The following CSRNP3 variants were observed in gnomAD, a reference collection of about 807,000 sequenced individuals.
CSRNP3 encodes the protein cysteine/serine-rich nuclear protein 3.
A neutral mutation model predicts 48.0 loss-of-function variants in CSRNP3; 12 were observed. The ratio of observed to expected loss-of-function variants is 0.25; its 90% confidence interval spans 0.16 to 0.41. The LOEUF is 0.41. CSRNP3 is among the 10% of genes least tolerant of loss of function. The pLI is 1.00. For synonymous variants in CSRNP3, 263 were observed against 269.7 expected, an observed-to-expected ratio of 0.98 and a Z score of 0.24; for missense variants, 580 against 724.4, an observed-to-expected ratio of 0.80 and a Z score of 2.29.
chr2:165,553,032 G>A (rs1224706033), intron 3 of CSRNP3, among the ~76,000 whole-genome samples: 1 of 152,130 alleles, frequency 6.6e-6, no homozygotes, highest in Non-Finnish European at 1.5e-5. Context: ...CGTTCATGTA[G>A]ATGATTCTTC....
At chr2:165,490,148 C>A (rs1648325661) in intron 1 of CSRNP3, among the ~76,000 whole-genome samples, 1 of 148,318 alleles carries the variant, frequency 6.7e-6, no homozygotes, top group African/African-American at 2.5e-5. Context: ...TTCTTATACA[C>A]CAACAACAGA....
chr2:165,473,966 A>T (rs905727161), intron 1 of CSRNP3, among the ~76,000 whole-genome samples: 2 of 152,110 alleles, frequency 1.3e-5, no homozygotes, highest in Admixed American at 6.6e-5. Context: ...CAACTTCATG[A>T]TCAACTTCAT....
At chr2:165,505,185 C>T (rs1514752) in intron 2 of CSRNP3, among the ~76,000 whole-genome samples, 38,140 of 151,754 alleles carry the variant, frequency 0.25, 4,934 homozygotes, top group East Asian at 0.35. Flanking sequence ...GAAGTCAAAA[C>T]GAAAAAACAA....
rs370737608 is a variant in CSRNP3, at chr2:165,649,634, G to A, written c.149-8127G>A. The stretch of plus-strand genomic sequence containing the variant: ...TTAATAGCACTTAGAGCTATTAGTC[G>A]TAATACAGGGAACCGAATATATCAG... On this transcript the variant is annotated intron_variant, in intron 4 of 6. Transcript: ENST00000651982. Among the ~76,000 whole-genome samples, 69 of 152,288 alleles carry A rather than the reference G, an allele frequency of 4.5e-4. 1 individual carries two copies. In the East Asian group the frequency reaches 6.6e-3, roughly 14 times the overall value.
At chr2:165,574,319 T>C in intron 3 of CSRNP3, 1 of 1,505,410 alleles carries the variant, frequency 6.6e-7, no homozygotes, top group South Asian at 1.2e-5. Flanking sequence ...CTGAAAAAAA[T>C]GTACTGGGGT....
intron 4 of CSRNP3, among the ~76,000 whole-genome samples, chr2:165,626,442 T>C (rs1368939400): frequency 6.6e-6 from 1 of 152,146 alleles, no homozygotes; most frequent in Non-Finnish European, 1.5e-5. Context: ...AATAAGTTAA[T>C]CCTTACCGTG....
At chr2:165,556,113 T>C (rs1013998949) in intron 3 of CSRNP3, among the ~76,000 whole-genome samples, 3 of 152,168 alleles carry the variant, frequency 2.0e-5, no homozygotes, top group Non-Finnish European at 2.9e-5. Flanking sequence ...GGGATGCTGC[T>C]GAAGGTGCGG....
chr2:165,624,431 A>C (rs1245848355), intron 4 of CSRNP3, among the ~76,000 whole-genome samples: 1 of 151,808 alleles, frequency 6.6e-6, no homozygotes, highest in Non-Finnish European at 1.5e-5. Flanking sequence ...CACTCTTTTT[A>C]TTTTTCTTTG....
At chr2:165,609,492 G>C (rs1300074494) in intron 4 of CSRNP3, among the ~76,000 whole-genome samples, 2 of 143,782 alleles carry the variant, frequency 1.4e-5, no homozygotes, top group African/African-American at 2.5e-5. Context: ...AAAAAAAGAG[G>C]CAAGTAATGT....
intron 4 of CSRNP3, 57 bp downstream of exon 4, chr2:165,595,270 G>A (rs935939480): frequency 4.8e-6 from 7 of 1,460,056 alleles, no homozygotes; most frequent in African/African-American, 1.4e-5. Context: ...AAAACTAATT[G>A]TGTCATTTTT....
chr2:165,608,787 AT>A (rs1453904442), intron 4 of CSRNP3, among the ~76,000 whole-genome samples: 32 of 51,950 alleles, frequency 6.2e-4, no homozygotes, highest in African/African-American at 1.6e-3. Flanking sequence ...ATGTAAAAAA[AT>A]TAAAAAAAAA....
chr2:165,563,212 ATGTGAATCC>A (rs1685256548), intron 3 of CSRNP3, among the ~76,000 whole-genome samples: 1 of 152,192 alleles, frequency 6.6e-6, no homozygotes, highest in Admixed American at 6.6e-5. Flanking sequence ...ATACTTCTAT[ATGTGAATCC>A]TGGTGGAGGA....
intron 6 of CSRNP3, among the ~76,000 whole-genome samples, chr2:165,678,087 T>G (rs569668064): frequency 6.6e-6 from 1 of 152,266 alleles, no homozygotes; most frequent in South Asian, 2.1e-4. Context: ...TGCACCCATG[T>G]ACCAAGCACC....
intron 2 of CSRNP3, among the ~76,000 whole-genome samples, chr2:165,507,617 C>T (rs896525115): frequency 6.6e-6 from 1 of 152,090 alleles, no homozygotes; most frequent in Admixed American, 6.5e-5. Context: ...TTTATTTACA[C>T]TTTATATTTC....
intron 5 of CSRNP3, among the ~76,000 whole-genome samples, chr2:165,667,886 A>G (rs1573958182): frequency 6.6e-6 from 1 of 152,210 alleles, no homozygotes. Flanking sequence ...ACCTCCTTAT[A>G]TGGCAGAACT....
At chr2:165,531,979 GAC>G in intron 3 of CSRNP3, among the ~76,000 whole-genome samples, 1 of 152,184 alleles carries the variant, frequency 6.6e-6, no homozygotes, top group East Asian at 1.9e-4. Context: ...TAAATTCCTC[GAC>G]ACATACATCC....
intron 4 of CSRNP3, among the ~76,000 whole-genome samples, chr2:165,628,656 G>A (rs368364681): frequency 5.3e-5 from 8 of 152,104 alleles, no homozygotes; most frequent in South Asian, 2.1e-4. Flanking sequence ...CCTGGGAGGC[G>A]GAGGTTGCAG....
chr2:165,688,123 T>A lies in CSRNP3; in HGVS notation c.*8370T>A, dbSNP rs944664273. On this transcript the variant is annotated 3_prime_UTR_variant, in exon 7 of 7. Coordinates refer to ENST00000651982, the MANE Select transcript of CSRNP3 (RefSeq NM_001172173.2). ...AAATTTGGCCCATGTTTTAATTGAC[T>A]CTAGGCACCTCTATTGAAATAAGTC... 6 of 152,098 alleles carry A rather than the reference T, an allele frequency of 3.9e-5. No individual in the cohort carries two copies. In the South Asian group the frequency reaches 1.2e-3, roughly 32 times the overall value. 9.4% of individuals were successfully genotyped at this position (152,098 alleles called of 1,614,324 possible). A position where few individuals can be genotyped will look rare whatever the true frequency, so the allele number is the denominator to read the frequency against.
chr2:165,561,288 A>G (rs1344858601), intron 3 of CSRNP3, among the ~76,000 whole-genome samples: 1 of 152,162 alleles, frequency 6.6e-6, no homozygotes, highest in East Asian at 1.9e-4. Flanking sequence ...GTCTACCTAA[A>G]GATGAAAGCA....
Sources: gnomAD v4.1 joint callset for allele counts (sites outside exome capture counted in the v4.1 genomes callset) on GRCh38, gnomAD v4.1.1 for gene constraint, MANE v1.5 for transcripts, NCBI Gene and HGNC (gene_info 2026-07-23, HGNC 2026-07-21) for gene names.